The following ADAMTS10 variants were observed in gnomAD, a reference collection of about 807,000 sequenced individuals.
ADAMTS10 encodes A disintegrin and metalloproteinase with thrombospondin motifs 10.
ADAMTS10 carries 48 observed loss-of-function variants against 135.9 expected under a neutral mutation model. The observed-to-expected ratio is 0.35, with a 90% confidence interval of 0.28 to 0.45. The LOEUF is 0.45. Among genes scored for constraint, ADAMTS10 ranks in the 20% least tolerant of loss-of-function variants. The probability of loss-of-function intolerance (pLI) is 1.00; values close to 1 mark genes in which losing one functional copy is unlikely to be tolerated. For synonymous variants in ADAMTS10, 621 were observed against 647.5 expected, an observed-to-expected ratio of 0.96 and a Z score of 0.62; for missense variants, 1,131 against 1,565.2, an observed-to-expected ratio of 0.72 and a Z score of 4.68.
At position 8,586,225 on chromosome 19, in the gene ADAMTS10, G is replaced by C; in HGVS notation, c.2557C>G (p.Arg853Gly). Residue 853 changes from arginine to glycine, a missense_variant, in exon 22 of 26, where the codon CGC (arginine) becomes GGC (glycine). Arg to Gly is a moderately radical substitution (Grantham distance 125). Transcript: ENST00000597188. Reference protein sequence around the residue: ...GGSQVQAVECRNQLDSSAVAP... With the variant: ...GGSQVQAVECGNQLDSSAVAP... ...ACCGCGGAGCTGTCCAGCTGGTTGC[G>C]GCACTCCACCGCCTGCACCTGGCTA... 1 of 1,612,950 alleles carries C rather than the reference G, an allele frequency of 6.2e-7. No homozygotes were observed. The highest frequency in any genetic ancestry group is 8.5e-7 in the Non-Finnish European group (1 of 1,179,870).
intron 12 of ADAMTS10, 178 bp downstream of exon 12, chr19:8,595,584 A>G (rs2042592841): frequency 1.1e-6 from 1 of 941,880 alleles, no homozygotes; most frequent in African/African-American, 1.6e-5. Flanking sequence ...ATTGCTTAGG[A>G]CATTTTGCAC....
At chr19:8,597,652 G>GT (rs1212967213) in intron 6 of ADAMTS10, among the ~76,000 whole-genome samples, 7 of 151,642 alleles carry the variant, frequency 4.6e-5, no homozygotes, top group Non-Finnish European at 8.8e-5. Flanking sequence ...TGTTGTTGTT[G>GT]TTTTTTGAGA....
At chr19:8,594,376 C>T (rs933722015) in intron 12 of ADAMTS10, among the ~76,000 whole-genome samples, 1 of 152,180 alleles carries the variant, frequency 6.6e-6, no homozygotes, top group Non-Finnish European at 1.5e-5. Flanking sequence ...CAATGACCAC[C>T]ACTATCTCTG....
rs1385837919 is a variant in ADAMTS10, at chr19:8,580,446, C to G, written c.*447G>C. ...CAGGGAGGTGGTGCTACCCCCCCCC[C>G]TCCCATAGCAGACACAGATTCCCCC... On this transcript the variant is annotated 3_prime_UTR_variant, in exon 26 of 26. Transcript: ENST00000597188. 7 of 164,304 alleles carry G rather than the reference C, an allele frequency of 4.3e-5. No individual in the cohort carries two copies. In the East Asian group the frequency reaches 5.5e-4, roughly 13 times the overall value. The allele number at this position is 164,304 out of a possible 1,614,324, so 10.2% of individuals were successfully genotyped here.
chr19:8,605,293 C>A lies in ADAMTS10; in HGVS notation c.154G>T (p.Ala52Ser). The A allele has an allele frequency of 6.2e-7, 1 of 1,612,256 alleles. No individual in the cohort carries two copies. The stretch of plus-strand genomic sequence containing the variant: ...GGAGGTGGCGAGAAGGCCAGCAGTG[C>A]CCCGTTGTGGTCCACGCGGGTGGGG... ...AFPTRVDHNG[A>S]LLAFSPPPPR... is the part of the protein sequence containing the mutation. The change falls in exon 4 of 26, where the codon GCA (alanine) becomes TCA (serine). Residue 52 changes from alanine (A) to serine (S), a missense_variant. By Grantham distance (99) the Ala-to-Ser change is moderately conservative. This residue lies in a region of ADAMTS10 where 306 missense variants were observed against 344.4 expected (regional missense o/e 0.89). Transcript: ENST00000597188. This position sits in a 1 kb window ranked among gnomAD's most constrained non-coding sequence, Gnocchi z 7.7.
intron 6 of ADAMTS10, among the ~76,000 whole-genome samples, chr19:8,600,450 CTCTCTTTCTTTCTTT>C (rs1268898793): frequency 1.1e-4 from 16 of 148,860 alleles, no homozygotes; most frequent in East Asian, 4.4e-4. Context: ...CTTCCTTCCT[CTCTCTTTCTTTCTTT>C]TCTCTTTCTT....
intron 1 of ADAMTS10, among the ~76,000 whole-genome samples, chr19:8,609,144 A>G (rs977592385): frequency 1.4e-5 from 2 of 146,526 alleles, no homozygotes; most frequent in Non-Finnish European, 3.0e-5. Context: ...CTGCATGTAC[A>G]TTACAGCATG....
At chr19:8,595,949 A>G (rs1555740046) in intron 11 of ADAMTS10, 46 bp from the exon 12 acceptor site, 3 of 1,614,052 alleles carry the variant, frequency 1.9e-6, no homozygotes. Context: ...GCTGCAAATC[A>G]AGAGCTCAGG....
intron 6 of ADAMTS10, among the ~76,000 whole-genome samples, chr19:8,597,576 G>T (rs1247015703): frequency 6.6e-6 from 1 of 151,962 alleles, no homozygotes; most frequent in African/African-American, 2.4e-5. Flanking sequence ...TTACAGGTGT[G>T]AGCCACCATG....
intron 25 of ADAMTS10, 22 bp from the exon 26 acceptor site, chr19:8,581,024 G>C: frequency 6.3e-7 from 1 of 1,577,372 alleles, no homozygotes. Flanking sequence ...GGAGAAGGAA[G>C]GAAAAATCAG....
intron 1 of ADAMTS10, among the ~76,000 whole-genome samples, chr19:8,608,536 C>A (rs927049924): frequency 2.0e-5 from 3 of 152,116 alleles, no homozygotes; most frequent in Non-Finnish European, 4.4e-5. Flanking sequence ...CCCGCTCCTG[C>A]CCTGAGCCAC....
chr19:8,598,295 C>T (rs1174534000), intron 6 of ADAMTS10, among the ~76,000 whole-genome samples: 2 of 151,992 alleles, frequency 1.3e-5, no homozygotes, highest in Non-Finnish European at 2.9e-5. Context: ...TCCCCCAACC[C>T]CTGCTTACCC....
chr19:8,589,842 C>G, intron 16 of ADAMTS10, 47 bp downstream of exon 16: 1 of 1,571,556 alleles, frequency 6.4e-7, no homozygotes, highest in Non-Finnish European at 8.7e-7. Context: ...TGGACACTCC[C>G]ACGGCTGCCC....
intron 22 of ADAMTS10, 77 bp from the exon 23 acceptor site, chr19:8,585,737 AC>A: frequency 1.4e-6 from 2 of 1,402,634 alleles, no homozygotes; most frequent in Non-Finnish European, 9.9e-7. Context: ...ACTATAGCCT[AC>A]CCCCACCCTT....
rs7257902 is a variant in ADAMTS10, at chr19:8,601,988, G to T, written c.593-843C>A. Among the ~76,000 whole-genome samples, 1 of 152,170 alleles carries T rather than the reference G, an allele frequency of 6.6e-6. No individual in the cohort carries two copies. The highest frequency in any genetic ancestry group is 2.4e-5 in the African/African-American group (1 of 41,424). Reference sequence around the variant, plus strand: ...CAATCCACTGACAATTCCACTGCCCGAATGGAATGGTGTGAACCAGCCTGT... The same window carrying T: ...CAATCCACTGACAATTCCACTGCCCTAATGGAATGGTGTGAACCAGCCTGT... On this transcript the variant is annotated intron_variant, in intron 5 of 25. Coordinates refer to ENST00000597188, the MANE Select transcript of ADAMTS10 (RefSeq NM_030957.4). The surrounding 1 kb of genome is among the most constrained non-coding windows in gnomAD (Gnocchi z 4.6).
chr19:8,584,989 C>G lies in ADAMTS10; in HGVS notation c.3108G>C (p.Gln1036His), dbSNP rs1195784401. 1.3e-6 allele frequency: 2 copies of G among 1,544,080 alleles called. No individual in the cohort carries two copies. The highest frequency in any genetic ancestry group is 3.9e-5 in the Admixed American group (2 of 50,906). The change falls in exon 25 of 26, where the codon CAG (glutamine) becomes CAC (histidine). Residue 1036 changes from glutamine to histidine, a missense_variant. Transcript: ENST00000597188. ...RSVRCTSHTGQASHECTEALR... is the reference protein window; with the variant it reads ...RSVRCTSHTGHASHECTEALR... ...GGGCCTCCGTGCACTCGTGCGACGC[C>G]TGGCCCGTGTGGCTGGTGCAGCGCA...
chr19:8,595,861 C>T lies in ADAMTS10; in HGVS notation c.1380G>A (p.Gln460=). Residue 460 remains glutamine (Q), a synonymous_variant, in exon 12 of 26, where the codon CAG becomes CAA. Coordinates refer to ENST00000597188, the MANE Select transcript of ADAMTS10 (RefSeq NM_030957.4). The part of the protein sequence containing the change: ...GLCLNNRPPR[Q]DFVYPTVAPG... ...GTGCCACTGTCGGGTACACAAAGTCCTGTCTGGGGGGCCGGTTGTTCAGGC... is the reference window on the plus strand; with the variant it reads ...GTGCCACTGTCGGGTACACAAAGTCTTGTCTGGGGGGCCGGTTGTTCAGGC... The T allele has an allele frequency of 6.2e-7, 1 of 1,614,222 alleles. No individual in the cohort carries two copies. Among genetic ancestry groups the T allele is most frequent in the East Asian group, 2.2e-5 (1 of 44,886 alleles).
intron 15 of ADAMTS10, among the ~76,000 whole-genome samples, chr19:8,591,210 G>T (rs1555738809): frequency 6.6e-6 from 1 of 152,096 alleles, no homozygotes; most frequent in African/African-American, 2.4e-5. Context: ...GTAAAGGGAG[G>T]GGAGAGACTG....
rs782342563 is a variant in ADAMTS10, at chr19:8,605,277, GAGA to G, written c.167_169del (p.Phe56del). 9.7e-5 allele frequency: 156 copies of G among 1,612,478 alleles called. No homozygotes were observed. The African/African-American group carries it at 2.0e-3, about 20-fold the overall frequency. ...GCGCTGCCTCCGGGGAGGAGGTGGC[GAGA>G]AGGCCAGCAGTGCCCCGTTGTGGTC... is the stretch of plus-strand genomic sequence containing the variant. On this transcript the variant is annotated inframe_deletion, in exon 4 of 26. Transcript: ENST00000597188. This position sits in a 1 kb window ranked among gnomAD's most constrained non-coding sequence, Gnocchi z 7.7.
Sources: allele counts gnomAD v4.1 joint callset (sites outside exome capture counted in the v4.1 genomes callset), GRCh38; gene constraint gnomAD v4.1.1; regional missense constraint gnomAD v4.1.1; non-coding constraint Gnocchi (gnomAD v3.1); transcripts MANE v1.5; gene names NCBI Gene and HGNC (gene_info 2026-07-23, HGNC 2026-07-21).